The following WDR72 variants were observed in gnomAD, a reference collection of about 807,000 sequenced individuals.
The protein encoded by WDR72 is WD repeat-containing protein 72.
WDR72 carries 120 observed loss-of-function variants against 124.2 expected under a neutral mutation model. The observed-to-expected ratio is 0.97, with a 90% CI of 0.83 to 1.12. The LOEUF is 1.12. Ranked by LOEUF, WDR72 falls within the 50% of genes most tolerant of loss-of-function variation. The pLI is 0.00. For missense variants in WDR72, 1,387 were observed against 1,278.8 expected (o/e 1.08, Z -1.29); for synonymous variants, 452 against 441.7 (o/e 1.02, Z -0.29).
chr15:53,601,347 C>A (rs73408222), intron 17 of WDR72, among the ~76,000 whole-genome samples: 20,918 of 152,036 alleles, frequency 0.14, 2,225 homozygotes, highest in African/African-American at 0.3. Context: ...CTTAGAAGAG[C>A]TCCTGAAGAA....
intron 18 of WDR72, among the ~76,000 whole-genome samples, chr15:53,538,121 A>C (rs979373896): frequency 2.1e-4 from 32 of 152,330 alleles, no homozygotes; most frequent in African/African-American, 6.7e-4. Context: ...AAATTAAATA[A>C]AAATTAAATG....
chr15:53,605,109 C>T (rs2013219593), intron 17 of WDR72, among the ~76,000 whole-genome samples: 1 of 152,142 alleles, frequency 6.6e-6, no homozygotes, highest in Admixed American at 6.5e-5. Context: ...CAATGGTAGA[C>T]TGGATAAAGA....
chr15:53,612,538 C>G (rs2013586099), intron 16 of WDR72, among the ~76,000 whole-genome samples: 1 of 151,860 alleles, frequency 6.6e-6, no homozygotes, highest in East Asian at 1.9e-4. Context: ...TGCAAAGGTC[C>G]TCAGACCTGC....
intron 16 of WDR72, among the ~76,000 whole-genome samples, chr15:53,612,896 G>A (rs184137023): frequency 6.6e-6 from 1 of 151,912 alleles, no homozygotes; most frequent in African/African-American, 2.4e-5. Flanking sequence ...CGCTCACAGG[G>A]GTGAGGGTGA....
At position 53,619,874 on chromosome 15, in the gene WDR72, C is replaced by G. The variant is rs568602799; in HGVS notation, c.1963-3631G>C. On this transcript the variant is annotated intron_variant, in intron 14 of 19. Coordinates refer to ENST00000360509, the MANE Select transcript of WDR72 (RefSeq NM_182758.4). ...AAGATAAATTTTAAAATAGCTTACT[C>G]TTTATTTGTAGAGAAATGAACAGGA... Among the ~76,000 whole-genome samples the G allele has an allele frequency of 2.0e-5, 3 of 152,116 alleles. No individual in the cohort carries two copies. The East Asian group carries it at 5.8e-4, about 29-fold the overall frequency.
intron 18 of WDR72, among the ~76,000 whole-genome samples, chr15:53,524,525 C>T (rs1891997497): frequency 6.6e-6 from 1 of 152,004 alleles, no homozygotes; most frequent in South Asian, 2.1e-4. Context: ...TAGTAGTGTT[C>T]AGACCTGGCA....
chr15:53,762,719 T>C (rs2019081027), upstream of WDR72: 1 of 152,204 alleles, frequency 6.6e-6, no homozygotes, highest in Non-Finnish European at 1.5e-5. Flanking sequence ...ACCTAGTTGC[T>C]CTTGTCTGAG....
At chr15:53,724,281 T>G (rs1270331068) in intron 2 of WDR72, among the ~76,000 whole-genome samples, 2 of 152,094 alleles carry the variant, frequency 1.3e-5, no homozygotes, top group Non-Finnish European at 2.9e-5. Context: ...CCTGAGAGAG[T>G]AGGTCTTAAG....
At chr15:53,579,831 A>C (rs2011820178) in intron 18 of WDR72, among the ~76,000 whole-genome samples, 1 of 152,098 alleles carries the variant, frequency 6.6e-6, no homozygotes, top group Admixed American at 6.6e-5. Flanking sequence ...AAAAATGTTC[A>C]AAATCAGGTA....
At chr15:53,634,307 G>C (rs1393567382) in intron 14 of WDR72, among the ~76,000 whole-genome samples, 54 of 152,084 alleles carry the variant, frequency 3.6e-4, no homozygotes, top group Admixed American at 3.5e-3. Context: ...ATATATCCCA[G>C]AAGAGGTTAT....
intron 18 of WDR72, among the ~76,000 whole-genome samples, chr15:53,562,782 C>T (rs1894169156): frequency 6.6e-6 from 1 of 151,676 alleles, no homozygotes; most frequent in Admixed American, 6.6e-5. Context: ...CTTTTCTCCA[C>T]AAAGTTATAA....
chr15:53,523,132 G>T, intron 19 of WDR72, 86 bp downstream of exon 19: 1 of 1,228,388 alleles, frequency 8.1e-7, no homozygotes, highest in Non-Finnish European at 1.2e-6. Context: ...GCATTACAAT[G>T]TCCTCTCCCC....
At chr15:53,721,046 A>T (rs1377870537) in intron 3 of WDR72, among the ~76,000 whole-genome samples, 1 of 152,166 alleles carries the variant, frequency 6.6e-6, no homozygotes, top group Non-Finnish European at 1.5e-5. Flanking sequence ...GAATAAAGTT[A>T]AGACTTGCTA....
intron 14 of WDR72, among the ~76,000 whole-genome samples, chr15:53,636,480 T>G (rs1239606760): frequency 6.6e-6 from 1 of 152,184 alleles, no homozygotes; most frequent in African/African-American, 2.4e-5. Context: ...GAGGAACAGA[T>G]TCTCCCAATT....
intron 13 of WDR72, among the ~76,000 whole-genome samples, chr15:53,687,081 T>C (rs2016660622): frequency 6.6e-6 from 1 of 150,454 alleles, no homozygotes; most frequent in Non-Finnish European, 1.5e-5. Context: ...GGGAAATTTA[T>C]AGCACTAAAT....
chr15:53,685,333 T>A (rs1349667494), intron 13 of WDR72, among the ~76,000 whole-genome samples: 1 of 128,890 alleles, frequency 7.8e-6, no homozygotes, highest in Non-Finnish European at 1.6e-5. Flanking sequence ...GAAGAATGTA[T>A]AACTAGAATA....
At chr15:53,559,718 G>A (rs1461585594) in intron 18 of WDR72, among the ~76,000 whole-genome samples, 2 of 151,920 alleles carry the variant, frequency 1.3e-5, no homozygotes, top group African/African-American at 2.4e-5. Context: ...TGGCTTATGT[G>A]TGGTGATCAC....
intron 13 of WDR72, among the ~76,000 whole-genome samples, chr15:53,668,580 C>A (rs529097516): frequency 1.3e-5 from 2 of 152,012 alleles, no homozygotes; most frequent in African/African-American, 2.4e-5. Flanking sequence ...GTGGACAGAG[C>A]GTGCTGGAAA....
chr15:53,711,458 G>A lies in WDR72; in HGVS notation c.735C>T (p.Ser245=), dbSNP rs2017537060. The A allele has an allele frequency of 5.0e-6, 8 of 1,613,860 alleles. No homozygotes were observed. The highest frequency in any genetic ancestry group is 4.2e-6 in the Non-Finnish European group (5 of 1,179,998). The change falls in exon 8 of 20, where the codon TCC becomes TCT. Residue 245 remains serine, a synonymous_variant. Coordinates refer to ENST00000360509, the MANE Select transcript of WDR72 (RefSeq NM_182758.4). The part of the protein sequence containing the change: ...CWKVYDYCDF[S]LLLTEVSRNG... ...TTCTACTAACTTCAGTCAGCAGAAG[G>A]GAAAAATCACAATAATCATAAACCT...
Sources: allele counts gnomAD v4.1 joint callset (sites outside exome capture counted in the v4.1 genomes callset), GRCh38; gene constraint gnomAD v4.1.1; transcripts MANE v1.5; gene names NCBI Gene and HGNC (gene_info 2026-07-23, HGNC 2026-07-21).